WDR70: variants seen among roughly 807,000 people sequenced by gnomAD.
WDR70 encodes WD repeat domain 70.
Under a neutral mutation model 88.6 loss-of-function variants are expected in WDR70, and 53 were observed. The ratio of observed to expected loss-of-function variants is 0.60; its 90% CI spans 0.48 to 0.75. The LOEUF (loss-of-function observed/expected upper bound fraction) is 0.75. WDR70 is among the 30% of genes least tolerant of loss of function. The probability of loss-of-function intolerance (pLI) is 0.00; values close to 1 mark genes in which losing one functional copy is unlikely to be tolerated. For missense variants in WDR70, 610 were observed against 823.2 expected, an observed-to-expected ratio of 0.74 and a Z score of 3.17; for synonymous variants, 280 against 270.0, an observed-to-expected ratio of 1.04 and a Z score of -0.36.
chr5:37,560,712 A>G (rs1217069029), intron 9 of WDR70, among the ~76,000 whole-genome samples: 4 of 152,132 alleles, frequency 2.6e-5, no homozygotes, highest in Admixed American at 2.6e-4. Context: ...AAGCTTTGTG[A>G]CATTTGGAAT....
intron 5 of WDR70, among the ~76,000 whole-genome samples, chr5:37,411,154 T>C (rs1007089961): frequency 2.0e-5 from 3 of 146,776 alleles, no homozygotes; most frequent in Non-Finnish European, 3.0e-5. Context: ...GGAAATAAGG[T>C]CTTGCTGTGT....
rs1399389481 is a variant in WDR70, at chr5:37,546,098, A to G, written c.917+29508A>G. Among the ~76,000 whole-genome samples the G allele has an allele frequency of 4.6e-5, 7 of 152,222 alleles. No individual in the cohort carries two copies. In the South Asian group the frequency reaches 1.2e-3, roughly 27 times the overall value. On this transcript the variant is annotated intron_variant, in intron 9 of 17. Coordinates refer to ENST00000265107, the MANE Select transcript of WDR70 (RefSeq NM_018034.4). ...TGTATTGATCAGGGAAGAGTTATTT[A>G]TAATTAAGCCTTTAAATTTTATGTA...
At chr5:37,470,624 T>C (rs1446122954) in intron 7 of WDR70, among the ~76,000 whole-genome samples, 1 of 152,208 alleles carries the variant, frequency 6.6e-6, no homozygotes, top group East Asian at 1.9e-4. Flanking sequence ...ATTATATTTA[T>C]AAAATATATC....
At chr5:37,623,729 C>G (rs964428571) in intron 10 of WDR70, among the ~76,000 whole-genome samples, 4 of 152,156 alleles carry the variant, frequency 2.6e-5, no homozygotes, top group Admixed American at 1.3e-4. Context: ...CTTCAGTTTC[C>G]TCATCTGAAC....
chr5:37,527,457 C>A (rs1353072601), intron 9 of WDR70, among the ~76,000 whole-genome samples: 1 of 152,150 alleles, frequency 6.6e-6, no homozygotes, highest in African/African-American at 2.4e-5. Context: ...TGGATCCCTT[C>A]CTTATACCTT....
At chr5:37,516,661 C>CA in intron 9 of WDR70, 71 bp downstream of exon 9, 1 of 955,116 alleles carries the variant, frequency 1.0e-6, no homozygotes, top group East Asian at 2.8e-5. Flanking sequence ...TGGATTGTTA[C>CA]AATCTTGGCA....
chr5:37,447,349 A>G (rs1450627593), intron 7 of WDR70, among the ~76,000 whole-genome samples: 4 of 152,168 alleles, frequency 2.6e-5, no homozygotes, highest in African/African-American at 7.2e-5. Flanking sequence ...GGGACTGTAA[A>G]CTAGTTCAAC....
At chr5:37,406,853 A>T in intron 5 of WDR70, among the ~76,000 whole-genome samples, 1 of 152,206 alleles carries the variant, frequency 6.6e-6, no homozygotes, top group East Asian at 1.9e-4. Flanking sequence ...GGTAACAATC[A>T]TATTATTATT....
At chr5:37,418,405 C>T (rs1408037165) in intron 5 of WDR70, among the ~76,000 whole-genome samples, 1 of 152,070 alleles carries the variant, frequency 6.6e-6, no homozygotes, top group South Asian at 2.1e-4. Flanking sequence ...CTGCAAGCTC[C>T]GCCTCCCGGG....
chr5:37,670,537 T>A lies in WDR70; in HGVS notation c.1093-27118T>A, dbSNP rs148252835. Among the ~76,000 whole-genome samples the A allele has an allele frequency of 2.6e-4, 40 of 152,308 alleles. No individual in the cohort carries two copies. The East Asian group carries it at 7.5e-3, about 29-fold the overall frequency. On this transcript the variant is annotated intron_variant, in intron 10 of 17. Transcript: ENST00000265107. Reference sequence around the variant, plus strand: ...GCCACATTTTCAGTAACTCATTAAATTTTCCCAGCAGCTTATGAAGTGGGT... The same window carrying A: ...GCCACATTTTCAGTAACTCATTAAAATTTCCCAGCAGCTTATGAAGTGGGT...
intron 9 of WDR70, among the ~76,000 whole-genome samples, chr5:37,543,794 A>G (rs1426921794): frequency 6.6e-6 from 1 of 152,122 alleles, no homozygotes; most frequent in Non-Finnish European, 1.5e-5. Context: ...TTGGAGATGG[A>G]GTCTCGCTCT....
chr5:37,615,331 C>G (rs1053689468), intron 10 of WDR70, among the ~76,000 whole-genome samples: 1 of 152,040 alleles, frequency 6.6e-6, no homozygotes, highest in Non-Finnish European at 1.5e-5. Flanking sequence ...AAGGACTCAT[C>G]TGGAAAGAAT....
At chr5:37,551,110 C>A (rs746266755) in intron 9 of WDR70, among the ~76,000 whole-genome samples, 2 of 151,960 alleles carry the variant, frequency 1.3e-5, no homozygotes, top group Non-Finnish European at 2.9e-5. Flanking sequence ...TCAAGACCAG[C>A]CTGACCAACA....
At chr5:37,475,757 G>A (rs898604447) in intron 7 of WDR70, among the ~76,000 whole-genome samples, 1 of 150,894 alleles carries the variant, frequency 6.6e-6, no homozygotes, top group East Asian at 1.9e-4. Context: ...TTATAAATTT[G>A]GATGTAAACC....
chr5:37,393,736 A>G (rs1160430044), intron 4 of WDR70, among the ~76,000 whole-genome samples: 1 of 152,040 alleles, frequency 6.6e-6, no homozygotes, highest in Non-Finnish European at 1.5e-5. Flanking sequence ...GCTGGAGTGC[A>G]GTGGCACATT....
chr5:37,675,856 C>T (rs1327361795), intron 10 of WDR70, among the ~76,000 whole-genome samples: 6 of 152,134 alleles, frequency 3.9e-5, no homozygotes, highest in Non-Finnish European at 4.4e-5. Flanking sequence ...TTTATTCTTC[C>T]TACCCATGAG....
intron 11 of WDR70, among the ~76,000 whole-genome samples, chr5:37,699,396 T>TACACACACACACACAC (rs1181980288): frequency 7.5e-4 from 15 of 20,062 alleles, no homozygotes; most frequent in East Asian, 6.3e-3. Flanking sequence ...TGTGTGTATA[T>TACACACACACACACAC]ATATATACAC....
intron 17 of WDR70, among the ~76,000 whole-genome samples, chr5:37,746,373 C>T (rs537662114): frequency 6.6e-5 from 10 of 151,940 alleles, no homozygotes; most frequent in South Asian, 2.1e-4. Context: ...AGAGCTAGAG[C>T]GGCAAGAGCA....
intron 10 of WDR70, among the ~76,000 whole-genome samples, chr5:37,675,170 C>G (rs1010514243): frequency 6.6e-6 from 1 of 151,874 alleles, no homozygotes; most frequent in African/African-American, 2.4e-5. Context: ...AAATTTTCTC[C>G]CATTTTGTAG....
Sources: gnomAD v4.1 joint callset for allele counts (sites outside exome capture counted in the v4.1 genomes callset) on GRCh38, gnomAD v4.1.1 for gene constraint, MANE v1.5 for transcripts, NCBI Gene and HGNC (gene_info 2026-07-23, HGNC 2026-07-21) for gene names.